ZFHX4: variants seen among roughly 807,000 people sequenced by gnomAD.
The protein encoded by ZFHX4 is zinc finger homeobox 4.
In ZFHX4, 56 loss-of-function variants were observed where a neutral mutation model predicts 267.6. That is an observed-to-expected ratio of 0.21 (90% CI 0.17 to 0.26). ZFHX4 has a LOEUF of 0.26. Ranked by LOEUF, ZFHX4 falls within the 10% of genes least tolerant of loss-of-function variation. The pLI is 1.00. For missense variants in ZFHX4, 4,332 were observed against 4,420.0 expected, an observed-to-expected ratio of 0.98 and a Z score of 0.56; for synonymous variants, 1,778 against 1,665.6, an observed-to-expected ratio of 1.07 and a Z score of -1.64.
At position 76,855,141 on chromosome 8, in the gene ZFHX4, T is replaced by C; in HGVS notation, c.8220T>C (p.Ile2740=). 1.2e-6 allele frequency: 2 copies of C among 1,613,608 alleles called. No homozygotes were observed. Among genetic ancestry groups the C allele is most frequent in the Non-Finnish European group, 1.7e-6 (2 of 1,179,734 alleles). Residue 2740 remains isoleucine, a synonymous_variant, in exon 10 of 11, where the codon ATT becomes ATC. Transcript: ENST00000651372. ...FDYPSLPLTK[I]DLSSENELAS... ...ACCCATCTTTGCCATTAACTAAAATTGATCTATCAAGTGAGAATGAATTGG... is the reference window on the plus strand; with the variant it reads ...ACCCATCTTTGCCATTAACTAAAATCGATCTATCAAGTGAGAATGAATTGG...
chr8:76,765,035 T>C (rs1810016300), intron 3 of ZFHX4, among the ~76,000 whole-genome samples: 1 of 152,148 alleles, frequency 6.6e-6, no homozygotes, highest in Admixed American at 6.6e-5. Flanking sequence ...CAGTTTTCAA[T>C]CTCGTAAAAA....
intron 10 of ZFHX4, among the ~76,000 whole-genome samples, chr8:76,860,633 G>T (rs900857895): frequency 3.9e-5 from 6 of 152,090 alleles, no homozygotes; most frequent in African/African-American, 1.4e-4. Context: ...ATGAGATCTA[G>T]AACTAAGGTT....
chr8:76,837,864 G>C (rs942537882), intron 5 of ZFHX4, among the ~76,000 whole-genome samples: 1 of 152,008 alleles, frequency 6.6e-6, no homozygotes, highest in African/African-American at 2.4e-5. Context: ...CCTAGTTCAG[G>C]GTTCAGAGAA....
intron 10 of ZFHX4, among the ~76,000 whole-genome samples, chr8:76,856,749 C>T (rs531001119): frequency 6.6e-6 from 1 of 152,018 alleles, no homozygotes; most frequent in African/African-American, 2.4e-5. Flanking sequence ...TTTGTCCCCC[C>T]CGCCGCCACC....
chr8:76,806,471 G>A (rs1261523672), intron 4 of ZFHX4, among the ~76,000 whole-genome samples: 3 of 152,034 alleles, frequency 2.0e-5, no homozygotes, highest in Non-Finnish European at 2.9e-5. Flanking sequence ...AAAAATATTA[G>A]CAAATAATTT....
At chr8:76,831,948 G>A (rs1335582233) in intron 4 of ZFHX4, among the ~76,000 whole-genome samples, 1 of 147,310 alleles carries the variant, frequency 6.8e-6, no homozygotes, top group African/African-American at 2.5e-5. Context: ...TATAAGTAAA[G>A]ACTGAGAATA....
chr8:76,766,083 T>G (rs1810044223), intron 3 of ZFHX4, among the ~76,000 whole-genome samples: 1 of 152,052 alleles, frequency 6.6e-6, no homozygotes, highest in Non-Finnish European at 1.5e-5. Flanking sequence ...TGTTAAGTAT[T>G]ATACATAAAT....
chr8:76,767,755 C>T (rs930094542), intron 3 of ZFHX4, among the ~76,000 whole-genome samples: 17 of 152,154 alleles, frequency 1.1e-4, no homozygotes, highest in African/African-American at 3.6e-4. Flanking sequence ...CTTTGTTCCT[C>T]CTAAATATAG....
rs556694040 is a variant in ZFHX4 at position 76,782,793 on chromosome 8, C to T, written c.3325+4354C>T. On this transcript the variant is annotated intron_variant, in intron 4 of 10. Transcript: ENST00000651372. Reference sequence around the variant, plus strand: ...TCTTGAGCGTAAAAACAACCCCCGGCGAAGGACAGAATATGCCTCTCTCAT... The same window carrying T: ...TCTTGAGCGTAAAAACAACCCCCGGTGAAGGACAGAATATGCCTCTCTCAT... Among the ~76,000 whole-genome samples the T allele has an allele frequency of 2.4e-4, 36 of 152,042 alleles. No homozygotes were observed. The Middle Eastern group carries it at 0.01, about 43-fold the overall frequency.
At chr8:76,772,994 A>T (rs534930398) in intron 3 of ZFHX4, among the ~76,000 whole-genome samples, 1 of 152,064 alleles carries the variant, frequency 6.6e-6, no homozygotes, top group African/African-American at 2.4e-5. Context: ...ACCTCGTTGT[A>T]TGAGGTTATA....
At position 76,853,738 on chromosome 8, in the gene ZFHX4, T is replaced by C; in HGVS notation, c.6817T>C (p.Trp2273Arg). 6.2e-7 allele frequency: 1 copy of C among 1,613,790 alleles called. No homozygotes were observed. The highest frequency in any genetic ancestry group is 8.5e-7 in the Non-Finnish European group (1 of 1,179,840). The change falls in exon 10 of 11, where the codon TGG becomes CGG. Residue 2273 changes from tryptophan to arginine, a missense_variant. Coordinates refer to ENST00000651372, the MANE Select transcript of ZFHX4 (RefSeq NM_024721.5). ...LNLPTRVIVV[W>R]FQNARQKARK... ...TCTGCCTACCCGGGTTATTGTTGTA[T>C]GGTTCCAGAATGCTCGTCAGAAAGC... is the stretch of plus-strand genomic sequence containing the variant.
At chr8:76,734,990 TACTC>T (rs1349792494) in intron 3 of ZFHX4, among the ~76,000 whole-genome samples, 2 of 152,156 alleles carry the variant, frequency 1.3e-5, no homozygotes, top group Non-Finnish European at 2.9e-5. Context: ...AGAAACATGA[TACTC>T]TATTGATGAT....
At chr8:76,696,818 A>T (rs550148345) in intron 1 of ZFHX4, among the ~76,000 whole-genome samples, 2 of 152,106 alleles carry the variant, frequency 1.3e-5, no homozygotes, top group South Asian at 4.1e-4. Flanking sequence ...ATATAAAGTT[A>T]TTTAAAATAT....
chr8:76,850,350 G>C lies in ZFHX4; in HGVS notation c.3952G>C (p.Gly1318Arg), dbSNP rs374920612. 9 of 1,611,010 alleles carry C rather than the reference G, an allele frequency of 5.6e-6. No homozygotes were observed. The highest frequency in any genetic ancestry group is 7.6e-6 in the Non-Finnish European group (9 of 1,178,780). The change falls in exon 9 of 11, where the codon GGG becomes CGG. Residue 1318 changes from glycine to arginine, a missense_variant. Gly to Arg is a moderately radical substitution (Grantham distance 125). This residue lies in a region of ZFHX4 where 1,371 missense variants were observed against 1,423.1 expected (regional missense o/e 0.96). Transcript: ENST00000651372. ...TGCAGCCGTGACAGCTGAGGGGTCT[G>C]GGAAATATTCAGGTATGCCATCTTA... ...TPAAVTAEGS[G>R]KYSGESPMDD... is the part of the protein sequence containing the mutation.
intron 5 of ZFHX4, among the ~76,000 whole-genome samples, chr8:76,837,934 T>C (rs183144899): frequency 1.2e-4 from 18 of 152,256 alleles, no homozygotes; most frequent in African/African-American, 4.1e-4. Context: ...CAGCTATGAT[T>C]TTTAATATTT....
Position 76,704,211 on chromosome 8 carries a change from C to G in ZFHX4, c.123C>G (p.Asp41Glu). 2 of 1,613,930 alleles carry G rather than the reference C, an allele frequency of 1.2e-6. No individual in the cohort carries two copies. The highest frequency in any genetic ancestry group is 2.2e-5 in the East Asian group (1 of 44,872). Residue 41 changes from aspartate (D) to glutamate (E), a missense_variant, in exon 2 of 11, where the codon GAC becomes GAG. By Grantham distance (45) the Asp-to-Glu change is conservative. Transcript: ENST00000651372. ...AGAAAGTTGCAGGGATGGAGCCTGA[C>G]AGGGAAAACAGCTCCACAGATGACA... is the stretch of plus-strand genomic sequence containing the variant. ...VPEKVAGMEPDRENSSTDDNL... is the reference protein window; with the variant it reads ...VPEKVAGMEPERENSSTDDNL...
At chr8:76,779,738 C>T (rs536942986) in intron 4 of ZFHX4, among the ~76,000 whole-genome samples, 31 of 151,980 alleles carry the variant, frequency 2.0e-4, no homozygotes, top group African/African-American at 6.5e-4. Context: ...TATGTAGTGG[C>T]GTAAGGGGGT....
rs1563460841 is a variant in ZFHX4 at position 76,689,461 on chromosome 8, G to A, written c.-47+7841G>A. Among the ~76,000 whole-genome samples, 8 of 152,242 alleles carry A rather than the reference G, an allele frequency of 5.3e-5. No individual in the cohort carries two copies. In the South Asian group the frequency reaches 8.3e-4, roughly 16 times the overall value. ...TATATGTGAACAGATGGACACATGTGAGAACTAAAAGTGCACAATTTCTCT... is the reference window on the plus strand; with the variant it reads ...TATATGTGAACAGATGGACACATGTAAGAACTAAAAGTGCACAATTTCTCT... On this transcript the variant is annotated intron_variant, in intron 1 of 10. Coordinates refer to ENST00000651372, the MANE Select transcript of ZFHX4 (RefSeq NM_024721.5).
At chr8:76,796,908 T>C (rs1019215886) in intron 4 of ZFHX4, among the ~76,000 whole-genome samples, 1 of 152,200 alleles carries the variant, frequency 6.6e-6, no homozygotes. Flanking sequence ...CACAGGTTCC[T>C]TGAATGATTT....
Sources: gnomAD v4.1 joint callset for allele counts (sites outside exome capture counted in the v4.1 genomes callset) on GRCh38, gnomAD v4.1.1 for gene constraint, gnomAD v4.1.1 regional missense constraint, MANE v1.5 for transcripts, NCBI Gene and HGNC (gene_info 2026-07-23, HGNC 2026-07-21) for gene names.